The following C1orf74 variants were observed in gnomAD, a reference collection of about 807,000 sequenced individuals.
C1orf74 encodes the protein chromosome 1 open reading frame 74, also known as UPF0739 protein C1orf74.
Under a neutral mutation model 7.3 loss-of-function variants are expected in C1orf74, and 5 were observed. The observed-to-expected ratio is 0.68, with a 90% confidence interval of 0.36 to 1.44. The LOEUF (loss-of-function observed/expected upper bound fraction) is 1.44, where lower values mean the gene tolerates loss of function less well. Ranked by LOEUF, C1orf74 falls within the 40% of genes most tolerant of loss-of-function variation. The pLI is 0.04. For missense variants in C1orf74, 291 were observed against 314.3 expected, an observed-to-expected ratio of 0.93 and a Z score of 0.56; for synonymous variants, 121 against 132.5, an observed-to-expected ratio of 0.91 and a Z score of 0.59.
chr1:209,783,420 T>A lies in C1orf74; in HGVS notation c.215A>T (p.Glu72Val). Residue 72 changes from glutamate to valine, a missense_variant, in exon 2 of 2, where the codon GAG (glutamate) becomes GTG (valine). Physicochemically the swap from Glu to Val is moderately radical, Grantham distance 121. Coordinates refer to ENST00000294811, the MANE Select transcript of C1orf74 (RefSeq NM_152485.4). The stretch of plus-strand genomic sequence containing the variant: ...AGTCAGGAAGCCAAGCCCCTTCAGC[T>A]CCTCCAGATAGCTCTGGAGCTCTGA... Reference protein sequence around the residue: ...GASELQSYLEELKGLGFLTFG... With the variant: ...GASELQSYLEVLKGLGFLTFG... 6.2e-7 allele frequency: 1 copy of A among 1,614,148 alleles called. No homozygotes were observed. Among genetic ancestry groups the A allele is most frequent in the Non-Finnish European group, 8.5e-7 (1 of 1,180,026 alleles).
In C1orf74 at chr1:209,780,311, C is replaced by T. The variant is rs1289729891; in HGVS notation, c.*2514G>A. 3 of 568,652 alleles carry T rather than the reference C, an allele frequency of 5.3e-6. No homozygotes were observed. Among genetic ancestry groups the T allele is most frequent in the African/African-American group, 1.9e-5 (1 of 52,238 alleles). The allele number at this position is 568,652 out of a possible 1,614,324, so 35.2% of individuals were successfully genotyped here. A position where few individuals can be genotyped will look rare whatever the true frequency, so the allele number is the denominator to read the frequency against. ...TCTGTCCAAGCTTAGCAGGGGCCTA[C>T]TGGAAGTTAACCTTTATGTCAGAGA... is the stretch of plus-strand genomic sequence containing the variant. On this transcript the variant is annotated 3_prime_UTR_variant, in exon 2 of 2. Coordinates refer to ENST00000294811, the MANE Select transcript of C1orf74 (RefSeq NM_152485.4).
intron 1 of C1orf74, 68 bp downstream of exon 1, chr1:209,784,310 T>C (rs2077818520): frequency 6.6e-6 from 1 of 152,320 alleles, no homozygotes; most frequent in Admixed American, 6.5e-5. Context: ...ATTTCTCCGA[T>C]CCACACACCC....
In C1orf74 at chr1:209,783,555, T is replaced by C. The variant is rs773546118; in HGVS notation, c.80A>G (p.Lys27Arg). Residue 27 changes from lysine (K) to arginine (R), a missense_variant, in exon 2 of 2, where the codon AAG becomes AGG. By Grantham distance (26) the Lys-to-Arg change is conservative. Transcript: ENST00000294811. Reference protein sequence around the residue: ...AAAQQTLGMGKRRSPPQAICL... With the variant: ...AAAQQTLGMGRRRSPPQAICL... ...GATGGCTTGGGGTGGACTCCGTCTC[T>C]TTCCCATGCCAAGGGTCTGCTGAGC... is the stretch of plus-strand genomic sequence containing the variant. 2 of 1,614,070 alleles carry C rather than the reference T, an allele frequency of 1.2e-6. No homozygotes were observed. Among genetic ancestry groups the C allele is most frequent in the Non-Finnish European group, 1.7e-6 (2 of 1,179,972 alleles).
At position 209,782,248 on chromosome 1, in the gene C1orf74, C is replaced by A; in HGVS notation, c.*577G>T. The A allele has an allele frequency of 2.3e-6, 2 of 875,748 alleles. No individual in the cohort carries two copies. Among genetic ancestry groups the A allele is most frequent in the Non-Finnish European group, 3.8e-6 (2 of 526,968 alleles). 54.2% of individuals were successfully genotyped at this position (875,748 alleles called of 1,614,324 possible). On this transcript the variant is annotated 3_prime_UTR_variant, in exon 2 of 2. Coordinates refer to ENST00000294811, the MANE Select transcript of C1orf74 (RefSeq NM_152485.4). ...ATTACAGCTTGGGTTTTCCAACTGA[C>A]TTAGGATTTCTGACTTTTTATTAAT...
chr1:209,783,252 G>A lies in C1orf74; in HGVS notation c.383C>T (p.Ser128Phe). The change falls in exon 2 of 2, where the codon TCC (serine) becomes TTC (phenylalanine). Residue 128 changes from serine (S) to phenylalanine (F), a missense_variant. Physicochemically the swap from Ser to Phe is radical, Grantham distance 155. Transcript: ENST00000294811. ...CTTCAAGTCCTGAAGCTGGTCCAGGGAGCAGACAGAAGGGTGACGCTGGCA... is the reference window on the plus strand; with the variant it reads ...CTTCAAGTCCTGAAGCTGGTCCAGGAAGCAGACAGAAGGGTGACGCTGGCA... ...SSCQRHPSVC[S>F]LDQLQDLKAL... 6.2e-7 allele frequency: 1 copy of A among 1,614,162 alleles called. No homozygotes were observed. Among genetic ancestry groups the A allele is most frequent in the Non-Finnish European group, 8.5e-7 (1 of 1,180,042 alleles).
rs756614987 is a variant in C1orf74 at position 209,783,151 on chromosome 1, G to T, written c.484C>A (p.Leu162Ile). The T allele has an allele frequency of 6.2e-7, 1 of 1,614,162 alleles. No homozygotes were observed. Among genetic ancestry groups the T allele is most frequent in the Non-Finnish European group, 8.5e-7 (1 of 1,180,036 alleles). The change falls in exon 2 of 2, where the codon CTC becomes ATC. Residue 162 changes from leucine (L) to isoleucine (I), a missense_variant. Leu to Ile is a conservative substitution (Grantham distance 5, BLOSUM62 2). Coordinates refer to ENST00000294811, the MANE Select transcript of C1orf74 (RefSeq NM_152485.4). ...DLSLAVSYSR[L>I]HSSDWNLCTV... ...CACAGATTCCAGTCTGAGGAATGGA[G>T]CCTGCTGTAGGAGACTGCTAGAGAT...
In C1orf74 at chr1:209,783,259, C is replaced by T. The variant is rs1316380294; in HGVS notation, c.376G>A (p.Val126Ile). ...TCCTGAAGCTGGTCCAGGGAGCAGA[C>T]AGAAGGGTGACGCTGGCAGCTGGAA... is the stretch of plus-strand genomic sequence containing the variant. ...DVSSCQRHPS[V>I]CSLDQLQDLK... Residue 126 changes from valine to isoleucine, a missense_variant, in exon 2 of 2, where the codon GTC (valine) becomes ATC (isoleucine). Val to Ile is a conservative substitution (Grantham distance 29). Transcript: ENST00000294811. 6.2e-7 allele frequency: 1 copy of T among 1,614,178 alleles called. No individual in the cohort carries two copies. Among genetic ancestry groups the T allele is most frequent in the East Asian group, 2.2e-5 (1 of 44,876 alleles).
Position 209,783,672 on chromosome 1 carries a change from C to T in C1orf74, c.-38G>A. The T allele has an allele frequency of 6.6e-7, 1 of 1,510,774 alleles. No individual in the cohort carries two copies. The highest frequency in any genetic ancestry group is 8.9e-7 in the Non-Finnish European group (1 of 1,124,306). The allele number at this position is 1,510,774 out of a possible 1,614,324, so 93.6% of individuals were successfully genotyped here. On this transcript the variant is annotated 5_prime_UTR_variant, in exon 2 of 2. Coordinates refer to ENST00000294811, the MANE Select transcript of C1orf74 (RefSeq NM_152485.4). ...CCTTAGCTAGCCCGAGTTCCCTTCC[C>T]TGGGTGGCATCTTTCAGCCAGACAC...
Position 209,780,692 on chromosome 1 carries a change from G to C in C1orf74, c.*2133C>G, listed in dbSNP as rs1220609175. The stretch of plus-strand genomic sequence containing the variant: ...GCAGTCAAAAAGCAGGGATTTCAAA[G>C]TTTAAGTTGTGAGTGGATAACCACA... On this transcript the variant is annotated 3_prime_UTR_variant, in exon 2 of 2. Transcript: ENST00000294811. The C allele has an allele frequency of 3.2e-5, 42 of 1,317,180 alleles. No homozygotes were observed. The highest frequency in any genetic ancestry group is 3.7e-5 in the Non-Finnish European group (37 of 998,744). 81.6% of individuals were successfully genotyped at this position (1,317,180 alleles called of 1,614,324 possible).
rs2077738324 is a variant in C1orf74 at position 209,779,788 on chromosome 1, A to T, written c.*3037T>A. 1 of 462,268 alleles carries T rather than the reference A, an allele frequency of 2.2e-6. No individual in the cohort carries two copies. The highest frequency in any genetic ancestry group is 2.0e-5 in the African/African-American group (1 of 51,158). The allele number at this position is 462,268 out of a possible 1,614,324, so 28.6% of individuals were successfully genotyped here. A position where few individuals can be genotyped will look rare whatever the true frequency, so the allele number is the denominator to read the frequency against. On this transcript the variant is annotated 3_prime_UTR_variant, in exon 2 of 2. Coordinates refer to ENST00000294811, the MANE Select transcript of C1orf74 (RefSeq NM_152485.4). Reference sequence around the variant, plus strand: ...TACTGTCCATGTTTCCTGAGAATTCACTGTGTATACAGAGGGGCAATAGCT... The same window carrying T: ...TACTGTCCATGTTTCCTGAGAATTCTCTGTGTATACAGAGGGGCAATAGCT...
Position 209,782,159 on chromosome 1 carries a change from A to C in C1orf74, c.*666T>G, listed in dbSNP as rs1056198749. 5.0e-6 allele frequency: 8 copies of C among 1,608,160 alleles called. No individual in the cohort carries two copies. Among genetic ancestry groups the C allele is most frequent in the Non-Finnish European group, 6.8e-6 (8 of 1,174,684 alleles). On this transcript the variant is annotated 3_prime_UTR_variant, in exon 2 of 2. Transcript: ENST00000294811. The stretch of plus-strand genomic sequence containing the variant: ...AACCTGATGATCTGAATAATTTGTG[A>C]CAACTGCCTTGGGTGAAAATCAGAA...
Position 209,783,421 on chromosome 1 carries a change from C to G in C1orf74, c.214G>C (p.Glu72Gln). 1 of 1,614,206 alleles carries G rather than the reference C, an allele frequency of 6.2e-7. No individual in the cohort carries two copies. Among genetic ancestry groups the G allele is most frequent in the Non-Finnish European group, 8.5e-7 (1 of 1,180,040 alleles). ...GASELQSYLE[E>Q]LKGLGFLTFG... ...GTCAGGAAGCCAAGCCCCTTCAGCT[C>G]CTCCAGATAGCTCTGGAGCTCTGAT... Residue 72 changes from glutamate to glutamine, a missense_variant, in exon 2 of 2, where the codon GAG becomes CAG. Physicochemically the swap from Glu to Gln is conservative, Grantham distance 29 (BLOSUM62 2). Transcript: ENST00000294811.
In C1orf74 at chr1:209,783,353, A is replaced by G; in HGVS notation, c.282T>C (p.Ile94=). The G allele has an allele frequency of 1.9e-6, 3 of 1,614,182 alleles. No individual in the cohort carries two copies. The highest frequency in any genetic ancestry group is 1.1e-5 in the South Asian group (1 of 91,086). Reference sequence around the variant, plus strand: ...GCTGACATACATGCTCAGGACTGACAATCAGGCTGTTTTCTCCAATCTCAA... The same window carrying G: ...GCTGACATACATGCTCAGGACTGACGATCAGGCTGTTTTCTCCAATCTCAA... ...HILEIGENSL[I]VSPEHVCQHL... The change falls in exon 2 of 2, where the codon ATT becomes ATC. Residue 94 remains isoleucine, a synonymous_variant. Transcript: ENST00000294811.
Position 209,782,095 on chromosome 1 carries a change from A to T in C1orf74, c.*730T>A. 1.2e-6 allele frequency: 2 copies of T among 1,614,124 alleles called. No individual in the cohort carries two copies. The highest frequency in any genetic ancestry group is 1.7e-6 in the Non-Finnish European group (2 of 1,180,010). On this transcript the variant is annotated 3_prime_UTR_variant, in exon 2 of 2. Coordinates refer to ENST00000294811, the MANE Select transcript of C1orf74 (RefSeq NM_152485.4). The stretch of plus-strand genomic sequence containing the variant: ...ATGGCTCCCAGTGCTGATGGTGGTG[A>T]TTGCTGCAGCACTGGCAGTGTTCCT...
In C1orf74 at chr1:209,783,174, G is replaced by C. The variant is rs1027682119; in HGVS notation, c.461C>G (p.Ser154Cys). 2 of 1,614,042 alleles carry C rather than the reference G, an allele frequency of 1.2e-6. No individual in the cohort carries two copies. The highest frequency in any genetic ancestry group is 1.7e-6 in the Non-Finnish European group (2 of 1,180,030). ...GAGCCTGCTGTAGGAGACTGCTAGA[G>C]ATAAGTCCCTCTGCAGCCCCTGCAA... ...THLQGLQRDL[S>C]LAVSYSRLHS... The change falls in exon 2 of 2, where the codon TCT (serine) becomes TGT (cysteine). Residue 154 changes from serine to cysteine, a missense_variant. Transcript: ENST00000294811.
Position 209,783,105 on chromosome 1 carries a change from A to C in C1orf74, c.530T>G (p.Leu177Arg). The C allele has an allele frequency of 6.2e-7, 1 of 1,614,200 alleles. No individual in the cohort carries two copies. The highest frequency in any genetic ancestry group is 1.3e-5 in the African/African-American group (1 of 75,056). The change falls in exon 2 of 2, where the codon CTG (leucine) becomes CGG (arginine). Residue 177 changes from leucine to arginine, a missense_variant. By Grantham distance (102) the Leu-to-Arg change is moderately radical. Transcript: ENST00000294811. ...AAAGGTATAGGGAACAGGATAGCCC[A>C]GGAGGATCCCAAATACAGTACACAG... ...WNLCTVFGIL[L>R]GYPVPYTFHL...
chr1:209,783,662 G>A lies in C1orf74; in HGVS notation c.-28C>T, dbSNP rs2077813558. ...AGAATGGCCTCCTTAGCTAGCCCGA[G>A]TTCCCTTCCCTGGGTGGCATCTTTC... On this transcript the variant is annotated 5_prime_UTR_variant, in exon 2 of 2. Transcript: ENST00000294811. 6.5e-7 allele frequency: 1 copy of A among 1,531,906 alleles called. No homozygotes were observed. Among genetic ancestry groups the A allele is most frequent in the Non-Finnish European group, 8.8e-7 (1 of 1,138,304 alleles). The allele number at this position is 1,531,906 out of a possible 1,614,324, so 94.9% of individuals were successfully genotyped here. A position where few individuals can be genotyped will look rare whatever the true frequency, so the allele number is the denominator to read the frequency against.
In C1orf74 at chr1:209,779,461, G is replaced by T; in HGVS notation, c.*3364C>A. On this transcript the variant is annotated 3_prime_UTR_variant, in exon 2 of 2. Transcript: ENST00000294811. The stretch of plus-strand genomic sequence containing the variant: ...GCGGGATGGACTACATGACCTCCTG[G>T]AGTCCCAGCCAGTTCTGGGAGTCTG... 8.7e-7 allele frequency: 1 copy of T among 1,149,550 alleles called. No homozygotes were observed. Among genetic ancestry groups the T allele is most frequent in the Non-Finnish European group, 1.3e-6 (1 of 762,646 alleles). 71.2% of individuals were successfully genotyped at this position (1,149,550 alleles called of 1,614,324 possible).
Position 209,781,491 on chromosome 1 carries a change from G to A in C1orf74, c.*1334C>T. The A allele has an allele frequency of 6.7e-7, 1 of 1,499,378 alleles. No individual in the cohort carries two copies. Among genetic ancestry groups the A allele is most frequent in the South Asian group, 1.1e-5 (1 of 88,280 alleles). The allele number at this position is 1,499,378 out of a possible 1,614,324, so 92.9% of individuals were successfully genotyped here. A position where few individuals can be genotyped will look rare whatever the true frequency, so the allele number is the denominator to read the frequency against. Reference sequence around the variant, plus strand: ...GGTCTCTCCTTCCCATAAAGCCCTGGATGATGGGACGATTCCTTCTTTAAC... The same window carrying A: ...GGTCTCTCCTTCCCATAAAGCCCTGAATGATGGGACGATTCCTTCTTTAAC... On this transcript the variant is annotated 3_prime_UTR_variant, in exon 2 of 2. Transcript: ENST00000294811.
Sources: allele counts gnomAD v4.1 joint callset, GRCh38; gene constraint gnomAD v4.1.1; transcripts MANE v1.5; gene names NCBI Gene and HGNC (gene_info 2026-07-23, HGNC 2026-07-21).